Variants in RHBDL3 observed in about 807,000 individuals in gnomAD.
RHBDL3 encodes the protein rhomboid-related protein 3.
RHBDL3 carries 28 observed loss-of-function variants against 48.2 expected under a neutral mutation model. The ratio of observed to expected loss-of-function variants is 0.58; its 90% CI spans 0.43 to 0.80. The LOEUF (loss-of-function observed/expected upper bound fraction) is 0.80, where lower values mean the gene tolerates loss of function less well. Ranked by LOEUF, RHBDL3 falls within the 30% of genes least tolerant of loss-of-function variation. The pLI is 0.00. For missense variants in RHBDL3, 464 were observed against 542.7 expected (o/e 0.85, Z 1.44); for synonymous variants, 208 against 232.3 (o/e 0.90, Z 0.95).
intron 3 of RHBDL3, among the ~76,000 whole-genome samples, chr17:32,286,370 G>C (rs1449156050): frequency 1.3e-5 from 2 of 152,162 alleles, no homozygotes; most frequent in African/African-American, 2.4e-5. Flanking sequence ...ATCTGTATGA[G>C]CAGGGCTGCC....
intron 7 of RHBDL3, among the ~76,000 whole-genome samples, chr17:32,306,369 A>T (rs1213592945): frequency 1.3e-5 from 2 of 152,140 alleles, no homozygotes; most frequent in Non-Finnish European, 2.9e-5. Context: ...GGTTGCAGTG[A>T]GCCGAGATCG....
At chr17:32,281,159 G>C (rs1355209793) in intron 2 of RHBDL3, among the ~76,000 whole-genome samples, 2 of 152,156 alleles carry the variant, frequency 1.3e-5, no homozygotes, top group African/African-American at 4.8e-5. Context: ...CTTGTTCTCT[G>C]CTGTCTGGAG....
chr17:32,270,132 CAAAAA>C (rs66986205), intron 2 of RHBDL3, among the ~76,000 whole-genome samples: 12 of 68,116 alleles, frequency 1.8e-4, no homozygotes, highest in African/African-American at 5.1e-4. Context: ...GACCCTTTCT[CAAAAA>C]AAAAAAAAAA....
Position 32,283,427 on chromosome 17 carries a change from TAC to T in RHBDL3, c.136-1231_136-1230del, listed in dbSNP as rs547632265. Among the ~76,000 whole-genome samples, 741 of 144,590 alleles carry T rather than the reference TAC, an allele frequency of 5.1e-3. 3 individuals are homozygous for T. Among genetic ancestry groups the T allele is most frequent in the South Asian group, 0.012 (49 of 4,138 alleles). The allele number at this position is 144,590 out of a possible 152,430, so 94.9% of individuals were successfully genotyped here. A position where few individuals can be genotyped will look rare whatever the true frequency, so the allele number is the denominator to read the frequency against. ...AGCTCCGCCTCCCAGGTTCACGCCA[TAC>T]TCTCCTGCCTCAGCCTCCCGAGTAG... is the stretch of plus-strand genomic sequence containing the variant. On this transcript the variant is annotated intron_variant, in intron 2 of 8. Coordinates refer to ENST00000269051, the MANE Select transcript of RHBDL3 (RefSeq NM_138328.3).
In RHBDL3 at chr17:32,321,520, C is replaced by T; in HGVS notation, c.*291C>T. The stretch of plus-strand genomic sequence containing the variant: ...TGAGAGTGGCCCTCCCTCACCTGGG[C>T]TGGGCTTCTTCCATGGGGCCAGGGG... On this transcript the variant is annotated 3_prime_UTR_variant, in exon 9 of 9. Coordinates refer to ENST00000269051, the MANE Select transcript of RHBDL3 (RefSeq NM_138328.3). The T allele has an allele frequency of 4.7e-6, 3 of 640,710 alleles. No homozygotes were observed. In the East Asian group the frequency reaches 1.0e-4, roughly 21 times the overall value. The allele number at this position is 640,710 out of a possible 1,614,324, so 39.7% of individuals were successfully genotyped here.
chr17:32,309,770 C>CTT (rs11346917), intron 7 of RHBDL3, among the ~76,000 whole-genome samples: 19 of 124,832 alleles, frequency 1.5e-4, no homozygotes, highest in East Asian at 8.2e-4. Context: ...ATCAAGACTT[C>CTT]TTTTTTTTTT....
chr17:32,284,769 C>G lies in RHBDL3; in HGVS notation c.246C>G (p.Ala82=). 1 of 1,614,052 alleles carries G rather than the reference C, an allele frequency of 6.2e-7. No homozygotes were observed. Among genetic ancestry groups the G allele is most frequent in the East Asian group, 2.2e-5 (1 of 44,890 alleles). Residue 82 remains alanine (A), a synonymous_variant, in exon 3 of 9, where the codon GCC becomes GCG. Coordinates refer to ENST00000269051, the MANE Select transcript of RHBDL3 (RefSeq NM_138328.3). ...AAAGGGAGGTCCTCCTGGCTCTTGC[C>G]GACAGCCACGCGGATGGGCAGATCG... ...PHKREVLLAL[A]DSHADGQIGY...
At chr17:32,283,505 A>G (rs2040114849) in intron 2 of RHBDL3, among the ~76,000 whole-genome samples, 1 of 151,402 alleles carries the variant, frequency 6.6e-6, no homozygotes. Flanking sequence ...TTGTATTTTT[A>G]GTAGAGACGG....
At chr17:32,294,603 A>T (rs893915921) in intron 5 of RHBDL3, among the ~76,000 whole-genome samples, 161 bp downstream of exon 5, 2 of 152,220 alleles carry the variant, frequency 1.3e-5, no homozygotes, top group African/African-American at 4.8e-5. Flanking sequence ...ATATACAAGT[A>T]AATTATTGAG....
intron 8 of RHBDL3, among the ~76,000 whole-genome samples, chr17:32,317,434 G>T (rs1206192603): frequency 1.3e-5 from 2 of 152,178 alleles, no homozygotes; most frequent in Non-Finnish European, 2.9e-5. Flanking sequence ...CTAGGAACAA[G>T]ATGTCTTCAG....
chr17:32,277,628 A>G (rs2039946639), intron 2 of RHBDL3, among the ~76,000 whole-genome samples: 1 of 152,156 alleles, frequency 6.6e-6, no homozygotes, highest in South Asian at 2.1e-4. Flanking sequence ...GCATTGCTGG[A>G]AGACTCCAGC....
chr17:32,291,824 TG>T (rs2040337135), intron 4 of RHBDL3, among the ~76,000 whole-genome samples: 1 of 147,454 alleles, frequency 6.8e-6, no homozygotes, highest in African/African-American at 2.5e-5. Flanking sequence ...CAGGCTGGAA[TG>T]CCGTGGCGCA....
intron 8 of RHBDL3, among the ~76,000 whole-genome samples, chr17:32,318,857 A>G (rs1383668028): frequency 6.6e-6 from 1 of 152,022 alleles, no homozygotes; most frequent in Non-Finnish European, 1.5e-5. Flanking sequence ...ATTCACGTCC[A>G]CCTTCCTTAC....
At chr17:32,299,602 T>C (rs1184705550) in intron 6 of RHBDL3, among the ~76,000 whole-genome samples, 3 of 152,196 alleles carry the variant, frequency 2.0e-5, no homozygotes, top group Admixed American at 1.3e-4. Context: ...CATTTGCAGT[T>C]AGTATTCAAT....
intron 2 of RHBDL3, among the ~76,000 whole-genome samples, chr17:32,270,260 A>T (rs1002252376): frequency 6.6e-6 from 1 of 151,858 alleles, no homozygotes; most frequent in South Asian, 2.1e-4. Flanking sequence ...CCTTCCAGAG[A>T]TCAATGGCAT....
At chr17:32,276,727 C>T (rs555480412) in intron 2 of RHBDL3, among the ~76,000 whole-genome samples, 5 of 126,388 alleles carry the variant, frequency 4.0e-5, no homozygotes, top group South Asian at 5.0e-4. Context: ...CACCTTACTC[C>T]GGCCCTAGCA....
intron 8 of RHBDL3, 147 bp downstream of exon 8, chr17:32,316,439 T>A (rs2040975644): frequency 3.3e-6 from 2 of 613,990 alleles, no homozygotes; most frequent in Admixed American, 2.8e-5. Context: ...AGGGATATTG[T>A]GAGAGCTGTC....
At position 32,297,777 on chromosome 17, in the gene RHBDL3, G is replaced by A. The variant is rs137969874; in HGVS notation, c.669-315G>A. 1.5e-4 allele frequency among the ~76,000 whole-genome samples: 23 copies of A among 149,914 alleles called. No individual in the cohort carries two copies. In the East Asian group the frequency reaches 4.3e-3, roughly 28 times the overall value. On this transcript the variant is annotated intron_variant, in intron 5 of 8. Coordinates refer to ENST00000269051, the MANE Select transcript of RHBDL3 (RefSeq NM_138328.3). ...GGCCTCTCAAAGTGTTGGGCTTACA[G>A]GTGTGGGCCACTGCGCCCAGCCTAG...
chr17:32,289,052 TG>T (rs1489426688), intron 4 of RHBDL3, 36 bp downstream of exon 4: 4 of 1,579,344 alleles, frequency 2.5e-6, no homozygotes, highest in Non-Finnish European at 3.5e-6. Flanking sequence ...TGCTCTGCCT[TG>T]GGGAGTGGCG....
Sources: allele counts gnomAD v4.1 joint callset (sites outside exome capture counted in the v4.1 genomes callset), GRCh38; gene constraint gnomAD v4.1.1; transcripts MANE v1.5; gene names NCBI Gene and HGNC (gene_info 2026-07-23, HGNC 2026-07-21).